The following PCNT variants were observed in gnomAD, a reference collection of about 807,000 sequenced individuals.
PCNT encodes the protein kendrin.
A neutral mutation model predicts 380.4 loss-of-function variants in PCNT; 319 were observed. The ratio of observed to expected loss-of-function variants is 0.84; its 90% CI spans 0.77 to 0.92. The LOEUF (loss-of-function observed/expected upper bound fraction) is 0.92. PCNT is among the 40% of genes least tolerant of loss of function. The pLI is 0.00. For missense variants in PCNT, 4,400 were observed against 4,255.3 expected (o/e 1.03, Z -0.95); for synonymous variants, 1,845 against 1,735.2 (o/e 1.06, Z -1.57).
At chr21:46,371,867 GCA>G (rs142969038) in intron 15 of PCNT, among the ~76,000 whole-genome samples, 9,444 of 147,828 alleles carry the variant, frequency 0.064, 640 homozygotes, top group African/African-American at 0.18. Context: ...CAGCATGTGT[GCA>G]CACACACAGC....
In PCNT at chr21:46,411,619, T is replaced by G. The variant is rs760010739; in HGVS notation, c.5546T>G (p.Val1849Gly). ...AATGTAGCCCTCAGGGAGGCTGAGGTCGAAGACATGGCCTCCCGGATCCAG... is the reference window on the plus strand; with the variant it reads ...AATGTAGCCCTCAGGGAGGCTGAGGGCGAAGACATGGCCTCCCGGATCCAG... ...ERNVALREAE[V>G]EDMASRIQEF... Residue 1849 changes from valine (V) to glycine (G), a missense_variant, in exon 28 of 47, where the codon GTC (valine) becomes GGC (glycine). Transcript: ENST00000359568. The G allele has an allele frequency of 1.2e-6, 2 of 1,612,866 alleles. No homozygotes were observed. The highest frequency in any genetic ancestry group is 3.3e-5 in the Admixed American group (2 of 60,022).
intron 15 of PCNT, among the ~76,000 whole-genome samples, chr21:46,378,722 C>T (rs1015500003): frequency 3.9e-5 from 6 of 152,202 alleles, no homozygotes; most frequent in South Asian, 2.1e-4. Flanking sequence ...ATTTTCTTAG[C>T]GCTTGCCCTG....
chr21:46,433,346 G>A (rs1259938922), intron 38 of PCNT, among the ~76,000 whole-genome samples: 1 of 152,250 alleles, frequency 6.6e-6, no homozygotes, highest in Admixed American at 6.5e-5. Context: ...TTGCACCGCT[G>A]CACTTCAGCC....
At chr21:46,377,057 TTA>T (rs1488371297) in intron 15 of PCNT, among the ~76,000 whole-genome samples, 1 of 149,516 alleles carries the variant, frequency 6.7e-6, no homozygotes, top group Non-Finnish European at 1.5e-5. Context: ...ACCCGATCCT[TTA>T]TCCTTTTCCT....
In PCNT at chr21:46,391,336, G is replaced by T. The variant is rs767908478; in HGVS notation, c.4176G>T (p.Arg1392=). ...LREECTRLWS[R]GEATATDAEA... ...AGGAGTGCACCCGTCTGTGGAGTCG[G>T]GGGGAGGCCACAGCCACGGACGCCG... The change falls in exon 21 of 47, where the codon CGG becomes CGT. Residue 1392 remains arginine (R), a synonymous_variant. Transcript: ENST00000359568. 6.4e-7 allele frequency: 1 copy of T among 1,557,022 alleles called. No individual in the cohort carries two copies. The highest frequency in any genetic ancestry group is 1.2e-5 in the South Asian group (1 of 84,546).
At chr21:46,326,780 G>A (rs370937925) in intron 2 of PCNT, among the ~76,000 whole-genome samples, 191 bp downstream of exon 2, 23 of 152,236 alleles carry the variant, frequency 1.5e-4, no homozygotes, top group African/African-American at 3.1e-4. Context: ...TTGGGAGGCC[G>A]AGGCAGGCGG....
Position 46,353,282 on chromosome 21 carries a change from G to T in PCNT, c.1635G>T (p.Leu545=). The T allele has an allele frequency of 6.2e-7, 1 of 1,614,190 alleles. No individual in the cohort carries two copies. Among genetic ancestry groups the T allele is most frequent in the Non-Finnish European group, 8.5e-7 (1 of 1,180,036 alleles). Residue 545 remains leucine (L), a synonymous_variant, in exon 10 of 47, where the codon CTG becomes CTT. Coordinates refer to ENST00000359568, the MANE Select transcript of PCNT (RefSeq NM_006031.6). ...QEDLTLLQQR[L]QGAREDALLD... ...ACCTAACCCTGTTACAGCAGAGGCT[G>T]CAGGGGGCGAGGGAAGATGCTCTTC...
At chr21:46,440,809 A>T (rs2053589038) in intron 42 of PCNT, 46 bp from the exon 43 acceptor site, 6 of 1,142,784 alleles carry the variant, frequency 5.3e-6, no homozygotes, top group Non-Finnish European at 8.0e-6. Flanking sequence ...TCAGCAAGAC[A>T]GTCTTTGTTT....
At chr21:46,345,808 T>C (rs529747008) in intron 3 of PCNT, among the ~76,000 whole-genome samples, 1 of 152,280 alleles carries the variant, frequency 6.6e-6, no homozygotes, top group East Asian at 1.9e-4. Context: ...TCCTGAACAC[T>C]TGATGTAAAC....
chr21:46,413,063 C>G lies in PCNT; in HGVS notation c.6150+71C>G, dbSNP rs1328762448. 1.7e-4 allele frequency: 199 copies of G among 1,188,646 alleles called. 1 individual carries two copies. Among genetic ancestry groups the G allele is most frequent in the Admixed American group, 3.0e-4 (15 of 49,324 alleles). 73.6% of individuals were successfully genotyped at this position (1,188,646 alleles called of 1,614,324 possible). ...ACACGCGGCAGCAAGGTGTGGGGAG[C>G]GGGGAAGGCACGAGGCCCACCCGGG... On this transcript the variant is annotated intron_variant, in intron 29 of 46. Transcript: ENST00000359568.
chr21:46,386,492 G>A (rs1237699501), intron 17 of PCNT, among the ~76,000 whole-genome samples: 2 of 152,218 alleles, frequency 1.3e-5, no homozygotes, highest in Admixed American at 1.3e-4. Context: ...CCTGTGCCTG[G>A]GTAGCTGCAG....
chr21:46,347,031 G>C (rs1416101078), intron 5 of PCNT, 33 bp downstream of exon 5: 1 of 1,579,116 alleles, frequency 6.3e-7, no homozygotes, highest in Non-Finnish European at 8.6e-7. Flanking sequence ...CGGGCAGCGT[G>C]TGGGCTCGGT....
intron 32 of PCNT, among the ~76,000 whole-genome samples, chr21:46,424,944 A>G (rs1034026914): frequency 3.9e-5 from 6 of 152,184 alleles, no homozygotes; most frequent in Non-Finnish European, 5.9e-5. Context: ...CTTTTTTGGC[A>G]TATCGTTAAA....
chr21:46,417,184 CTT>C (rs71318076), intron 30 of PCNT, among the ~76,000 whole-genome samples: 24 of 73,338 alleles, frequency 3.3e-4, no homozygotes, highest in Non-Finnish European at 4.7e-4. Flanking sequence ...GGAATGCTTC[CTT>C]TTTTTTTTTT....
rs747688534 is a variant in PCNT, at chr21:46,416,754, C to T, written c.6836C>T (p.Ser2279Phe). Residue 2279 changes from serine (S) to phenylalanine (F), a missense_variant, in exon 30 of 47, where the codon TCC becomes TTC. By Grantham distance (155) the Ser-to-Phe change is radical. Transcript: ENST00000359568. ...ACCCAGGGGCCGGGGCTGCTTTGTT[C>T]CCCAGGCGTGTCTGCAGCAGCGCTG... ...PQTQGPGLLC[S>F]PGVSAAALAL... The T allele has an allele frequency of 1.9e-6, 3 of 1,603,458 alleles. No individual in the cohort carries two copies. The highest frequency in any genetic ancestry group is 1.7e-6 in the Non-Finnish European group (2 of 1,176,162).
intron 3 of PCNT, among the ~76,000 whole-genome samples, chr21:46,340,753 T>G (rs1287794459): frequency 6.6e-6 from 1 of 151,990 alleles, no homozygotes; most frequent in Non-Finnish European, 1.5e-5. Context: ...CACTGCAACC[T>G]TCACCTCCCA....
At chr21:46,364,059 G>A in intron 14 of PCNT, 125 bp downstream of exon 14, 1 of 831,048 alleles carries the variant, frequency 1.2e-6, no homozygotes, top group Non-Finnish European at 1.9e-6. Flanking sequence ...GGAGGGAGCT[G>A]GAACAAGGTG....
In PCNT at chr21:46,431,737, C is replaced by T. The variant is rs1481462985; in HGVS notation, c.8273C>T (p.Ser2758Leu). ...GAGAAGAGCCGCACCCTGGAGCTGTCAGAGGCCTTGCGGCACGAGCGGCTC... is the reference window on the plus strand; with the variant it reads ...GAGAAGAGCCGCACCCTGGAGCTGTTAGAGGCCTTGCGGCACGAGCGGCTC... ...AAEKSRTLEL[S>L]EALRHERLLT... is the part of the protein sequence containing the mutation. The change falls in exon 38 of 47, where the codon TCA becomes TTA. Residue 2758 changes from serine to leucine, a missense_variant. Coordinates refer to ENST00000359568, the MANE Select transcript of PCNT (RefSeq NM_006031.6). The T allele has an allele frequency of 6.2e-7, 1 of 1,612,302 alleles. No individual in the cohort carries two copies. The highest frequency in any genetic ancestry group is 2.2e-5 in the East Asian group (1 of 44,878).
In PCNT at chr21:46,383,291, A is replaced by G. The variant is rs1466469419; in HGVS notation, c.3312+1451A>G. On this transcript the variant is annotated intron_variant, in intron 16 of 46. Coordinates refer to ENST00000359568, the MANE Select transcript of PCNT (RefSeq NM_006031.6). ...GCATTCACAGTGCTGTGCATTCAGCAGCGGAAGCGCATTCACGGTGTTGTG... is the reference window on the plus strand; with the variant it reads ...GCATTCACAGTGCTGTGCATTCAGCGGCGGAAGCGCATTCACGGTGTTGTG... Among the ~76,000 whole-genome samples the G allele has an allele frequency of 2.4e-4, 32 of 131,558 alleles. 3 individuals are homozygous for G. Among genetic ancestry groups the G allele is most frequent in the African/African-American group, 6.5e-4 (22 of 34,022 alleles). The allele number at this position is 131,558 out of a possible 152,430, so 86.3% of individuals were successfully genotyped here.
Sources: gnomAD v4.1 joint callset for allele counts (sites outside exome capture counted in the v4.1 genomes callset) on GRCh38, gnomAD v4.1.1 for gene constraint, MANE v1.5 for transcripts, NCBI Gene and HGNC (gene_info 2026-07-23, HGNC 2026-07-21) for gene names.